The following POU3F3 variants were observed in gnomAD, a reference collection of about 807,000 sequenced individuals.
The protein encoded by POU3F3 is POU domain, class 3, transcription factor 3.
In POU3F3, 1 loss-of-function variant was observed where a neutral mutation model predicts 8.6. The ratio of observed to expected loss-of-function variants is 0.12; its 90% CI spans 0.04 to 0.55. The LOEUF is 0.55. Ranked by LOEUF, POU3F3 falls within the 20% of genes least tolerant of loss-of-function variation. The pLI is 0.91. For missense variants in POU3F3, 577 were observed against 690.7 expected (o/e 0.84, Z 1.84); for synonymous variants, 418 against 327.4 (o/e 1.28, Z -2.99).
At chr2:104,924,689 C>T in the POU3F3 span, among the ~76,000 whole-genome samples, 1 of 152,200 alleles carries the variant, frequency 6.6e-6, no homozygotes, top group South Asian at 2.1e-4. Flanking sequence ...AACCTCATCT[C>T]TTCATCTTTT....
chr2:104,876,570 T>C, the POU3F3 span, among the ~76,000 whole-genome samples: 1 of 152,222 alleles, frequency 6.6e-6, no homozygotes, highest in Admixed American at 6.5e-5. Context: ...CCCTTTTTTA[T>C]ATTAGTCATT....
At chr2:104,867,219 G>A in the POU3F3 span, 11 of 152,238 alleles carry the variant, frequency 7.2e-5, no homozygotes, top group African/African-American at 2.4e-4. The surrounding 1 kb of genome is among the most constrained non-coding windows in gnomAD (Gnocchi z 5.0). Flanking sequence ...GGCACGGAGG[G>A]GAGATTGTAA....
chr2:104,893,595 G>A, the POU3F3 span, among the ~76,000 whole-genome samples: 3 of 152,206 alleles, frequency 2.0e-5, no homozygotes, highest in Non-Finnish European at 2.9e-5. Context: ...ATGACTAAAA[G>A]ATGCAGCTGG....
chr2:104,865,138 C>T, the POU3F3 span, among the ~76,000 whole-genome samples: 4 of 152,174 alleles, frequency 2.6e-5, no homozygotes, highest in Admixed American at 2.6e-4. Context: ...TCCTAGTCAC[C>T]GGTATGCCAG....
At chr2:104,901,911 T>G in the POU3F3 span, among the ~76,000 whole-genome samples, 1 of 152,192 alleles carries the variant, frequency 6.6e-6, no homozygotes, top group African/African-American at 2.4e-5. Context: ...CTACAAAATT[T>G]TAATACATTA....
the POU3F3 span, among the ~76,000 whole-genome samples, chr2:104,890,495 CTG>C: frequency 1.3e-5 from 2 of 152,088 alleles, no homozygotes; most frequent in African/African-American, 4.8e-5. Flanking sequence ...GCCCACCTCC[CTG>C]TGTGGGGAGC....
chr2:104,914,760 G>A, the POU3F3 span, among the ~76,000 whole-genome samples: 1 of 152,178 alleles, frequency 6.6e-6, no homozygotes, highest in Non-Finnish European at 1.5e-5. Context: ...GAGAGAAAAG[G>A]GAAAGAGACA....
At chr2:104,924,510 C>G in the POU3F3 span, among the ~76,000 whole-genome samples, 1 of 152,186 alleles carries the variant, frequency 6.6e-6, no homozygotes, top group Non-Finnish European at 1.5e-5. Flanking sequence ...CTTTTGTTCT[C>G]ATTACTTCGG....
At chr2:104,907,703 T>C in the POU3F3 span, among the ~76,000 whole-genome samples, 5 of 152,202 alleles carry the variant, frequency 3.3e-5, no homozygotes, top group African/African-American at 1.2e-4. Context: ...TACAATCCTA[T>C]TACATTATCT....
the POU3F3 span, among the ~76,000 whole-genome samples, chr2:104,878,457 A>C: frequency 6.6e-6 from 1 of 152,230 alleles, no homozygotes; most frequent in Non-Finnish European, 1.5e-5. Flanking sequence ...GAAATAATTA[A>C]ATCGAACTAC....
chr2:104,896,863 G>C, the POU3F3 span, among the ~76,000 whole-genome samples: 462 of 152,356 alleles, frequency 3.0e-3, 14 homozygotes, highest in East Asian at 0.062. Flanking sequence ...GTGGGATCTG[G>C]ATGCCTGCTT....
chr2:104,893,955 T>G, the POU3F3 span, among the ~76,000 whole-genome samples: 12 of 150,488 alleles, frequency 8.0e-5, no homozygotes, highest in Non-Finnish European at 1.5e-4. Flanking sequence ...GGTGCTTCAA[T>G]CATGTTAGCT....
chr2:104,916,982 G>A, the POU3F3 span, among the ~76,000 whole-genome samples: 10 of 152,306 alleles, frequency 6.6e-5, no homozygotes, highest in South Asian at 2.1e-4. Flanking sequence ...ATCTGCCGAA[G>A]GCCCAGAAAG....
the POU3F3 span, among the ~76,000 whole-genome samples, chr2:104,913,744 C>T: frequency 6.6e-6 from 1 of 152,188 alleles, no homozygotes; most frequent in African/African-American, 2.4e-5. Flanking sequence ...CGTACCTGTA[C>T]CTATGCACCC....
chr2:104,873,230 C>T, the POU3F3 span, among the ~76,000 whole-genome samples: 7 of 152,176 alleles, frequency 4.6e-5, no homozygotes, highest in African/African-American at 1.2e-4. Flanking sequence ...CGTGTGCGTC[C>T]CAGCTCTCCG....
Position 104,856,169 on chromosome 2 carries a change from T to A in POU3F3, c.659T>A (p.Leu220Gln), listed in dbSNP as rs1176330026. The A allele has an allele frequency of 7.9e-7, 1 of 1,260,484 alleles. No homozygotes were observed. Among genetic ancestry groups the A allele is most frequent in the Non-Finnish European group, 9.9e-7 (1 of 1,005,344 alleles). The allele number at this position is 1,260,484 out of a possible 1,614,324, so 78.1% of individuals were successfully genotyped here. Residue 220 changes from leucine to glutamine, a missense_variant, in exon 1 of 1, where the codon CTG becomes CAG. This residue lies in a region of POU3F3 where 484 missense variants were observed against 422.6 expected (regional missense o/e 1.15). Coordinates refer to ENST00000361360, the MANE Select transcript of POU3F3 (RefSeq NM_006236.3). ...AGGQQPPPQSLLYSQPGGFTV... is the reference protein window; with the variant it reads ...AGGQQPPPQSQLYSQPGGFTV... ...GGCCAGCAGCCGCCGCCGCAGAGTC[T>A]GCTCTACTCGCAGCCCGGAGGCTTC...
chr2:104,888,024 G>T, the POU3F3 span, among the ~76,000 whole-genome samples: 3 of 152,204 alleles, frequency 2.0e-5, no homozygotes, highest in Non-Finnish European at 2.9e-5. Flanking sequence ...TTTAAGAAGA[G>T]TGATGGGTGG....
At chr2:104,877,377 T>C in the POU3F3 span, among the ~76,000 whole-genome samples, 1 of 152,216 alleles carries the variant, frequency 6.6e-6, no homozygotes, top group Non-Finnish European at 1.5e-5. Flanking sequence ...AACACACAGC[T>C]ACCCTGCAAA....
chr2:104,864,489 A>C, the POU3F3 span, among the ~76,000 whole-genome samples: 1 of 152,186 alleles, frequency 6.6e-6, no homozygotes, highest in Non-Finnish European at 1.5e-5. Context: ...CTGAAACCAT[A>C]AGTGGAAATA....
Sources: gnomAD v4.1 joint callset for allele counts (sites outside exome capture counted in the v4.1 genomes callset) on GRCh38, gnomAD v4.1.1 for gene constraint, gnomAD v4.1.1 regional missense constraint, Gnocchi (gnomAD v3.1) non-coding constraint, MANE v1.5 for transcripts, NCBI Gene and HGNC (gene_info 2026-07-23, HGNC 2026-07-21) for gene names.